Variants in AOPEP observed in about 807,000 individuals in gnomAD.
The protein encoded by AOPEP is aminopeptidase O.
A neutral mutation model predicts 98.1 loss-of-function variants in AOPEP; 77 were observed. That is an observed-to-expected ratio of 0.78 (90% CI 0.65 to 0.95). The LOEUF (loss-of-function observed/expected upper bound fraction) is 0.95. AOPEP is among the 40% of genes least tolerant of loss of function. The probability of loss-of-function intolerance (pLI) is 0.00; values close to 1 mark genes in which losing one functional copy is unlikely to be tolerated. For synonymous variants in AOPEP, 346 were observed against 365.3 expected (o/e 0.95, Z 0.60); for missense variants, 1,024 against 1,024.7 (o/e 1.00, Z 0.01).
At chr9:94,947,635 T>G (rs563103046) in intron 7 of AOPEP, among the ~76,000 whole-genome samples, 30 of 152,366 alleles carry the variant, frequency 2.0e-4, no homozygotes, top group Non-Finnish European at 4.0e-4. Context: ...ATAACATTCT[T>G]TGAGTGCTTT....
chr9:94,773,086 G>T lies in AOPEP; in HGVS notation c.882G>T (p.Trp294Cys). Residue 294 changes from tryptophan (W) to cysteine (C), a missense_variant, in exon 3 of 17, where the codon TGG becomes TGT. Trp to Cys is a radical substitution (Grantham distance 215). Transcript: ENST00000375315. ...AGCCACCCGTTGCCATGTCAACATG[G>T]CAGGCTACAGTTCGAGCAGCTGCAT... Reference protein sequence around the residue: ...CQEPPVAMSTWQATVRAAASF... With the variant: ...CQEPPVAMSTCQATVRAAASF... 1 of 1,614,078 alleles carries T rather than the reference G, an allele frequency of 6.2e-7. No individual in the cohort carries two copies. Among genetic ancestry groups the T allele is most frequent in the Non-Finnish European group, 8.5e-7 (1 of 1,180,012 alleles).
chr9:94,884,940 C>T (rs938930109), intron 5 of AOPEP, among the ~76,000 whole-genome samples: 2 of 145,580 alleles, frequency 1.4e-5, no homozygotes, highest in East Asian at 2.0e-4. Context: ...ACCCGGGAGG[C>T]GGAGCTTGCA....
chr9:95,134,020 T>G, the AOPEP span, among the ~76,000 whole-genome samples: 1 of 152,336 alleles, frequency 6.6e-6, no homozygotes, highest in Non-Finnish European at 1.5e-5. Context: ...TCTCTCAGTC[T>G]TAATATACAC....
intron 3 of AOPEP, 72 bp downstream of exon 3, chr9:94,773,240 T>C (rs1242681948): frequency 2.2e-6 from 3 of 1,338,036 alleles, no homozygotes; most frequent in Non-Finnish European, 3.1e-6. Flanking sequence ...TAAACAGTAT[T>C]TTTCTAAACT....
rs1235241410 is a variant in AOPEP, at chr9:94,772,506, A to G, written c.798-496A>G. Among the ~76,000 whole-genome samples, 10 of 152,158 alleles carry G rather than the reference A, an allele frequency of 6.6e-5. No homozygotes were observed. In the South Asian group the frequency reaches 1.4e-3, roughly 22 times the overall value. ...ACACAAGGATTCCCACAAGGGTTCT[A>G]TTTGAGATGGTGGCTTCCAAGATTG... On this transcript the variant is annotated intron_variant, in intron 2 of 16. Coordinates refer to ENST00000375315, the MANE Select transcript of AOPEP (RefSeq NM_001193329.3).
At chr9:94,758,851 T>G (rs1264875627) in intron 1 of AOPEP, among the ~76,000 whole-genome samples, 2 of 152,234 alleles carry the variant, frequency 1.3e-5, no homozygotes, top group Non-Finnish European at 2.9e-5. Flanking sequence ...TATGAAGAAC[T>G]TGTGCATTTT....
intron 5 of AOPEP, among the ~76,000 whole-genome samples, chr9:94,899,017 TG>T (rs1230907409): frequency 6.6e-6 from 1 of 152,064 alleles, no homozygotes; most frequent in African/African-American, 2.4e-5. Flanking sequence ...TAATATCAAC[TG>T]AAGAAACAAA....
At chr9:94,992,792 C>T (rs950078311) in intron 11 of AOPEP, among the ~76,000 whole-genome samples, 1 of 152,154 alleles carries the variant, frequency 6.6e-6, no homozygotes, top group African/African-American at 2.4e-5. Flanking sequence ...TGTACCTGGT[C>T]GCATCTGAGA....
intron 14 of AOPEP, among the ~76,000 whole-genome samples, chr9:95,061,661 A>G (rs1357328600): frequency 6.6e-6 from 1 of 152,252 alleles, no homozygotes; most frequent in Non-Finnish European, 1.5e-5. Flanking sequence ...TATTTGGGAT[A>G]TATTAGGTTA....
intron 11 of AOPEP, among the ~76,000 whole-genome samples, chr9:94,984,757 T>C (rs1480759555): frequency 1.3e-5 from 2 of 152,244 alleles, no homozygotes; most frequent in African/African-American, 4.8e-5. Context: ...GTTCTAAAGC[T>C]ATTAGTTGGA....
intron 3 of AOPEP, among the ~76,000 whole-genome samples, chr9:94,778,803 G>A (rs1011921558): frequency 1.3e-5 from 2 of 152,090 alleles, no homozygotes; most frequent in African/African-American, 2.4e-5. Flanking sequence ...CAAGATGGGC[G>A]GATCACTTGA....
intron 5 of AOPEP, among the ~76,000 whole-genome samples, chr9:94,841,902 A>G (rs1295280100): frequency 6.6e-6 from 1 of 152,078 alleles, no homozygotes; most frequent in African/African-American, 2.4e-5. Context: ...AATTTTTAAA[A>G]ATTAGCTGCG....
intron 1 of AOPEP, among the ~76,000 whole-genome samples, chr9:94,739,891 G>A (rs374441790): frequency 6.6e-6 from 1 of 152,146 alleles, no homozygotes; most frequent in East Asian, 1.9e-4. Context: ...CATCTTGAGG[G>A]TGGAGTTTGC....
chr9:94,948,352 A>G (rs897505445), intron 7 of AOPEP, among the ~76,000 whole-genome samples: 1 of 149,768 alleles, frequency 6.7e-6, no homozygotes, highest in Non-Finnish European at 1.5e-5. Context: ...CACCACATCC[A>G]TTCTACTAGC....
the AOPEP span, among the ~76,000 whole-genome samples, chr9:95,144,119 G>A: frequency 7.6e-5 from 11 of 144,270 alleles, no homozygotes; most frequent in East Asian, 1.9e-3. Context: ...AAATGACCAC[G>A]CAGCACATCT....
At chr9:95,028,327 G>T (rs1180868271) in intron 13 of AOPEP, among the ~76,000 whole-genome samples, 2 of 152,226 alleles carry the variant, frequency 1.3e-5, no homozygotes, top group African/African-American at 4.8e-5. Flanking sequence ...AGTGATGTGG[G>T]TGCTTTGTGA....
intron 5 of AOPEP, among the ~76,000 whole-genome samples, chr9:94,825,105 T>C (rs1031255384): frequency 2.6e-5 from 4 of 152,126 alleles, no homozygotes; most frequent in African/African-American, 7.2e-5. Flanking sequence ...GCACAGCAGA[T>C]TGGGGAGGGA....
intron 5 of AOPEP, among the ~76,000 whole-genome samples, chr9:94,825,656 T>C (rs1263556407): frequency 6.6e-6 from 1 of 152,244 alleles, no homozygotes; most frequent in Non-Finnish European, 1.5e-5. Context: ...AGAATGTTGT[T>C]TCCTCATTTG....
chr9:94,836,436 G>A (rs2041611599), intron 5 of AOPEP, among the ~76,000 whole-genome samples: 9 of 152,122 alleles, frequency 5.9e-5, no homozygotes, highest in Admixed American at 5.9e-4. Context: ...GTATCTCATT[G>A]TAGTTTCTCA....
Sources: gnomAD v4.1 joint callset for allele counts (sites outside exome capture counted in the v4.1 genomes callset) on GRCh38, gnomAD v4.1.1 for gene constraint, MANE v1.5 for transcripts, NCBI Gene and HGNC (gene_info 2026-07-23, HGNC 2026-07-21) for gene names.